TLK1: variants seen among roughly 807,000 people sequenced by gnomAD.
The protein encoded by TLK1 is tousled like kinase 1, also known as serine/threonine-protein kinase tousled-like 1.
In TLK1, 24 loss-of-function variants were observed where a neutral mutation model predicts 105.3. That is an observed-to-expected ratio of 0.23 (90% confidence interval 0.17 to 0.32). The LOEUF (loss-of-function observed/expected upper bound fraction) is 0.32. Among genes scored for constraint, TLK1 ranks in the 10% least tolerant of loss-of-function variants. The probability of loss-of-function intolerance (pLI) is 1.00; values close to 1 mark genes in which losing one functional copy is unlikely to be tolerated. For synonymous variants in TLK1, 321 were observed against 310.4 expected (o/e 1.03, Z -0.36); for missense variants, 558 against 910.5 (o/e 0.61, Z 4.98).
At chr2:171,032,145 T>C (rs1408965391) in intron 11 of TLK1, among the ~76,000 whole-genome samples, 2 of 152,126 alleles carry the variant, frequency 1.3e-5, no homozygotes, top group Non-Finnish European at 2.9e-5. Context: ...TCATAGTTAA[T>C]GGTGAAAATG....
At chr2:170,997,580 A>C in intron 19 of TLK1, 132 bp downstream of exon 19, 1 of 493,844 alleles carries the variant, frequency 2.0e-6, no homozygotes, top group Non-Finnish European at 3.5e-6. Flanking sequence ...TTTAGGAAGA[A>C]ATAGAGGAGA....
chr2:171,060,484 G>A (rs1687700998), intron 4 of TLK1, among the ~76,000 whole-genome samples: 1 of 152,040 alleles, frequency 6.6e-6, no homozygotes, highest in South Asian at 2.1e-4. Flanking sequence ...GCTAAAGATT[G>A]GCTCCAACAC....
intron 2 of TLK1, among the ~76,000 whole-genome samples, chr2:171,115,078 G>A (rs1442048767): frequency 1.3e-5 from 2 of 151,430 alleles, no homozygotes; most frequent in Admixed American, 1.3e-4. Flanking sequence ...TGGTGCAATA[G>A]TAAAATAAAT....
In TLK1 at chr2:171,006,459, A is replaced by G. The variant is rs1306294015; in HGVS notation, c.1768+15T>C. The G allele has an allele frequency of 1.9e-6, 3 of 1,556,668 alleles. No individual in the cohort carries two copies. The highest frequency in any genetic ancestry group is 1.7e-6 in the Non-Finnish European group (2 of 1,157,108). ...TACTCAAGTTTAAAAAAAATTAGACAAATTTCATAATTACCTGGCTTAAGA... is the reference window on the plus strand; with the variant it reads ...TACTCAAGTTTAAAAAAAATTAGACGAATTTCATAATTACCTGGCTTAAGA... On this transcript the variant is annotated intron_variant, in intron 17 of 20. Coordinates refer to ENST00000431350, the MANE Select transcript of TLK1 (RefSeq NM_012290.5).
At chr2:171,143,506 C>CAAAAAA (rs577555732) in intron 1 of TLK1, among the ~76,000 whole-genome samples, 5 of 44,302 alleles carry the variant, frequency 1.1e-4, no homozygotes, top group Admixed American at 3.9e-4. Context: ...ACTCTATCTC[C>CAAAAAA]AAAAAAAAAA....
chr2:171,123,087 CT>C (rs1382669087), intron 1 of TLK1, among the ~76,000 whole-genome samples: 2 of 151,132 alleles, frequency 1.3e-5, no homozygotes, highest in Non-Finnish European at 1.5e-5. Flanking sequence ...CACACACACA[CT>C]TCTTTTTTTA....
At chr2:171,165,710 A>G (rs942646781), upstream of TLK1, among the ~76,000 whole-genome samples, 2 of 152,202 alleles carry the variant, frequency 1.3e-5, no homozygotes, top group African/African-American at 4.8e-5. Context: ...CAGGAGTTCG[A>G]GACCAGCCTG....
At chr2:171,208,394 GT>G (rs1325855655) in intron 1 of TLK1, among the ~76,000 whole-genome samples, 1 of 152,016 alleles carries the variant, frequency 6.6e-6, no homozygotes, top group Non-Finnish European at 1.5e-5. Flanking sequence ...TAGAAACAAT[GT>G]TTAAATGCTC....
intron 12 of TLK1, among the ~76,000 whole-genome samples, chr2:171,024,779 G>A (rs1685695910): frequency 6.6e-6 from 1 of 152,142 alleles, no homozygotes; most frequent in African/African-American, 2.4e-5. Context: ...CAAAAATGGT[G>A]AAAGCTTCAA....
In TLK1 at chr2:171,160,780, A is replaced by G. The variant is rs1391035515; in HGVS notation, c.-352T>C. On this transcript the variant is annotated 5_prime_UTR_variant, in exon 1 of 21. Coordinates refer to ENST00000431350, the MANE Select transcript of TLK1 (RefSeq NM_012290.5). The surrounding 1 kb of genome is among the most constrained non-coding windows in gnomAD (Gnocchi z 4.4). ...AGCGCGGGCTGCGCCGGCCGAGGAC[A>G]CTTCCGCGGGCGGAACCTGCCGGCA... 2.5e-6 allele frequency: 1 copy of G among 404,880 alleles called. No homozygotes were observed. The highest frequency in any genetic ancestry group is 4.3e-6 in the Non-Finnish European group (1 of 232,526). 25.1% of individuals were successfully genotyped at this position (404,880 alleles called of 1,614,324 possible).
chr2:171,077,662 G>A (rs1161860086), intron 3 of TLK1, among the ~76,000 whole-genome samples: 2 of 152,124 alleles, frequency 1.3e-5, no homozygotes, highest in African/African-American at 4.8e-5. Context: ...TTGGGTCTCA[G>A]GATCCCTCTG....
chr2:171,080,273 T>G (rs180961405), intron 3 of TLK1, among the ~76,000 whole-genome samples: 1 of 151,334 alleles, frequency 6.6e-6, no homozygotes, highest in Non-Finnish European at 1.5e-5. Context: ...TTAACAACTG[T>G]AGTAAATTGG....
chr2:171,213,673 C>T (rs952811013), intron 1 of TLK1, among the ~76,000 whole-genome samples: 15 of 150,250 alleles, frequency 1.0e-4, no homozygotes, highest in Admixed American at 2.6e-4. Context: ...ACCTGTAGTC[C>T]CAGTTAGTTG....
chr2:171,048,767 G>T (rs1687083289), intron 10 of TLK1, among the ~76,000 whole-genome samples: 1 of 152,174 alleles, frequency 6.6e-6, no homozygotes, highest in Non-Finnish European at 1.5e-5. Flanking sequence ...GGCAGTGTTT[G>T]AACAGCAATG....
intron 2 of TLK1, among the ~76,000 whole-genome samples, chr2:171,092,380 T>A (rs1165272656): frequency 1.3e-5 from 2 of 152,226 alleles, no homozygotes; most frequent in Non-Finnish European, 2.9e-5. Context: ...TAGGCAAAAC[T>A]GTAAGACAGA....
chr2:171,071,113 T>C (rs761248938), intron 3 of TLK1, among the ~76,000 whole-genome samples: 5 of 152,200 alleles, frequency 3.3e-5, no homozygotes, highest in Non-Finnish European at 5.9e-5. Context: ...CATTTTTAGA[T>C]TGGATTATCA....
chr2:171,025,006 G>T (rs550940054), intron 12 of TLK1, among the ~76,000 whole-genome samples: 16 of 152,270 alleles, frequency 1.1e-4, no homozygotes, highest in Non-Finnish European at 2.2e-4. Context: ...TCTCAGAAGA[G>T]AAAACTAATA....
chr2:171,193,600 A>G (rs1296391128), intron 1 of TLK1, among the ~76,000 whole-genome samples: 1 of 146,984 alleles, frequency 6.8e-6, no homozygotes, highest in Non-Finnish European at 1.5e-5. Flanking sequence ...ACGGGGTTTC[A>G]CCGTGTTAGC....
intron 1 of TLK1, among the ~76,000 whole-genome samples, chr2:171,135,473 G>C (rs948912783): frequency 6.6e-6 from 1 of 151,934 alleles, no homozygotes; most frequent in African/African-American, 2.4e-5. Flanking sequence ...TTTGGGGCCA[G>C]CCTGGGCAAT....
Sources: gnomAD v4.1 joint callset for allele counts (sites outside exome capture counted in the v4.1 genomes callset) on GRCh38, gnomAD v4.1.1 for gene constraint, Gnocchi (gnomAD v3.1) non-coding constraint, MANE v1.5 for transcripts, NCBI Gene and HGNC (gene_info 2026-07-23, HGNC 2026-07-21) for gene names.